CCDC149: variants seen among roughly 807,000 people sequenced by gnomAD.
The protein encoded by CCDC149 is coiled-coil domain-containing protein 149.
In CCDC149, 45 loss-of-function variants were observed where a neutral mutation model predicts 59.9. The observed-to-expected ratio is 0.75, with a 90% CI of 0.59 to 0.96. CCDC149 has a LOEUF of 0.96. Ranked by LOEUF, CCDC149 falls within the 40% of genes least tolerant of loss-of-function variation. The probability of loss-of-function intolerance (pLI) is 0.00; values close to 1 mark genes in which losing one functional copy is unlikely to be tolerated. For synonymous variants in CCDC149, 245 were observed against 260.6 expected, an observed-to-expected ratio of 0.94 and a Z score of 0.58; for missense variants, 584 against 664.7, an observed-to-expected ratio of 0.88 and a Z score of 1.33.
At chr4:24,913,528 C>T (rs1157243510), upstream of CCDC149, among the ~76,000 whole-genome samples, 4 of 152,154 alleles carry the variant, frequency 2.6e-5, no homozygotes, top group Admixed American at 1.3e-4. Context: ...TATTTTTTAA[C>T]GTATCATTTG....
At chr4:24,927,607 C>G (rs934609719) in intron 1 of CCDC149, among the ~76,000 whole-genome samples, 1 of 152,192 alleles carries the variant, frequency 6.6e-6, no homozygotes, top group Admixed American at 6.5e-5. Flanking sequence ...AAGTATTCCA[C>G]TTACAAACAA....
At chr4:24,874,944 G>A (rs574425370) in intron 2 of CCDC149, among the ~76,000 whole-genome samples, 3 of 152,280 alleles carry the variant, frequency 2.0e-5, no homozygotes, top group Admixed American at 1.3e-4. Flanking sequence ...ATAAAAAAGC[G>A]CAGGATACGA....
chr4:24,842,087 AT>A (rs745807888), intron 4 of CCDC149, among the ~76,000 whole-genome samples: 11 of 152,328 alleles, frequency 7.2e-5, no homozygotes, highest in South Asian at 6.2e-4. Flanking sequence ...GTTTTGGACA[AT>A]TTCAAAGGAC....
At chr4:24,822,625 C>A in intron 9 of CCDC149, 52 bp from the exon 10 acceptor site, 1 of 1,354,648 alleles carries the variant, frequency 7.4e-7, no homozygotes, top group Non-Finnish European at 1.0e-6. Context: ...CTGTCAGCCC[C>A]CAGCCCTGGG....
At chr4:24,830,250 G>A (rs928069473) in intron 9 of CCDC149, 2 of 152,340 alleles carry the variant, frequency 1.3e-5, no homozygotes, top group Non-Finnish European at 2.9e-5. Flanking sequence ...TCTGTAGAGA[G>A]GGAAGGACGA....
At chr4:24,823,459 T>G (rs1277847843) in intron 9 of CCDC149, among the ~76,000 whole-genome samples, 1 of 152,230 alleles carries the variant, frequency 6.6e-6, no homozygotes, top group Non-Finnish European at 1.5e-5. Context: ...TCACTTTCCA[T>G]TGGGCTGGAA....
At chr4:24,927,451 C>T (rs557336068) in intron 1 of CCDC149, among the ~76,000 whole-genome samples, 12 of 152,324 alleles carry the variant, frequency 7.9e-5, no homozygotes, top group Non-Finnish European at 1.0e-4. Flanking sequence ...CAAACAGCTG[C>T]GTTTATTTGC....
At chr4:24,918,042 C>T (rs1012790650), upstream of CCDC149, among the ~76,000 whole-genome samples, 4 of 151,692 alleles carry the variant, frequency 2.6e-5, no homozygotes, top group African/African-American at 9.7e-5. Flanking sequence ...GTTCTGGAAG[C>T]CTTATGAAAA....
rs189001944 is a variant in CCDC149 at position 24,903,288 on chromosome 4, G to A, written c.63+9529C>T. Reference sequence around the variant, plus strand: ...GTTGAGTCTCTCCAGTGGCGCCCTCGACCATAACTCCTCAAAAGACTAGAA... The same window carrying A: ...GTTGAGTCTCTCCAGTGGCGCCCTCAACCATAACTCCTCAAAAGACTAGAA... On this transcript the variant is annotated intron_variant, in intron 1 of 12. Transcript: ENST00000635206. 8.5e-5 allele frequency among the ~76,000 whole-genome samples: 13 copies of A among 152,066 alleles called. No individual in the cohort carries two copies. The East Asian group carries it at 2.3e-3, about 27-fold the overall frequency.
intron 4 of CCDC149, among the ~76,000 whole-genome samples, chr4:24,848,779 C>G (rs1400998544): frequency 6.6e-6 from 1 of 152,042 alleles, no homozygotes; most frequent in African/African-American, 2.4e-5. Flanking sequence ...ATGAAATTGT[C>G]AAGAAGGAAA....
intron 3 of CCDC149, among the ~76,000 whole-genome samples, chr4:24,870,723 A>G (rs892069746): frequency 6.6e-6 from 1 of 152,198 alleles, no homozygotes; most frequent in Non-Finnish European, 1.5e-5. Context: ...TCCTTCATGA[A>G]TACTAACTAA....
At chr4:24,900,866 A>G (rs1405252591) in intron 1 of CCDC149, among the ~76,000 whole-genome samples, 1 of 152,082 alleles carries the variant, frequency 6.6e-6, no homozygotes, top group Non-Finnish European at 1.5e-5. Flanking sequence ...TGTGAGATAA[A>G]GGTGGGAGCC....
rs1429237353 is a variant in CCDC149 at position 24,891,673 on chromosome 4, G to C, written c.64-14976C>G. Among the ~76,000 whole-genome samples the C allele has an allele frequency of 2.6e-5, 4 of 152,174 alleles. No individual in the cohort carries two copies. In the East Asian group the frequency reaches 7.7e-4, roughly 29 times the overall value. On this transcript the variant is annotated intron_variant, in intron 1 of 12. Transcript: ENST00000635206. ...AGTGCACATAGACATCACTAATTCA[G>C]GTAAGCTCGAGGTTTGGGCATCTCG...
At chr4:24,971,917 C>A (rs1221363407) in intron 1 of CCDC149, among the ~76,000 whole-genome samples, 1 of 152,218 alleles carries the variant, frequency 6.6e-6, no homozygotes, top group Admixed American at 6.5e-5. Flanking sequence ...CCAGACATTT[C>A]TTTCTATTGA....
At chr4:24,894,737 G>A (rs896698461) in intron 1 of CCDC149, among the ~76,000 whole-genome samples, 19 of 151,312 alleles carry the variant, frequency 1.3e-4, no homozygotes, top group Admixed American at 3.9e-4. Context: ...ATGCCCTTTC[G>A]AACATACACA....
intron 1 of CCDC149, among the ~76,000 whole-genome samples, chr4:24,929,075 A>T (rs1409625913): frequency 6.6e-6 from 1 of 152,210 alleles, no homozygotes. Flanking sequence ...TGAAAGGCCA[A>T]GGTATGGAAA....
intron 4 of CCDC149, 104 bp from the exon 5 acceptor site, chr4:24,838,376 A>AG (rs1366484080): frequency 1.3e-6 from 1 of 784,346 alleles, no homozygotes; most frequent in African/African-American, 1.7e-5. Flanking sequence ...GATACTTTCA[A>AG]GAAATACTGG....
At chr4:24,918,267 G>A (rs889604622) in intron 1 of CCDC149, among the ~76,000 whole-genome samples, 1 of 152,172 alleles carries the variant, frequency 6.6e-6, no homozygotes. Context: ...GAATAATGGG[G>A]CTTGGGGATG....
intron 1 of CCDC149, among the ~76,000 whole-genome samples, chr4:24,923,343 CTGTT>C (rs1242753967): frequency 2.0e-5 from 3 of 152,224 alleles, no homozygotes; most frequent in Non-Finnish European, 4.4e-5. Flanking sequence ...ATGCCAGGCA[CTGTT>C]TAAGTACTAG....
Sources: allele counts gnomAD v4.1 joint callset (sites outside exome capture counted in the v4.1 genomes callset), GRCh38; gene constraint gnomAD v4.1.1; transcripts MANE v1.5; gene names NCBI Gene and HGNC (gene_info 2026-07-23, HGNC 2026-07-21).